Variants in SHTN1 observed in about 807,000 individuals in gnomAD.
SHTN1 encodes the protein shootin-1.
A neutral mutation model predicts 83.1 loss-of-function variants in SHTN1; 42 were observed. That is an observed-to-expected ratio of 0.51 (90% CI 0.39 to 0.65). The LOEUF (loss-of-function observed/expected upper bound fraction) is 0.65. Ranked by LOEUF, SHTN1 falls within the 30% of genes least tolerant of loss-of-function variation. The pLI is 0.00. For synonymous variants in SHTN1, 224 were observed against 247.7 expected (o/e 0.90, Z 0.90); for missense variants, 622 against 737.8 (o/e 0.84, Z 1.82).
At chr10:116,949,138 C>CT in intron 6 of SHTN1, 141 bp from the exon 7 acceptor site, 1 of 890,116 alleles carries the variant, frequency 1.1e-6, no homozygotes, top group Non-Finnish European at 1.6e-6. Flanking sequence ...TGTGTTAGGA[C>CT]TTTTTATTAA....
intron 1 of SHTN1, among the ~76,000 whole-genome samples, chr10:117,090,752 CAGAAGGAAGGAAGGAA>C (rs767619346): frequency 0.072 from 7,943 of 110,546 alleles, 366 homozygotes; most frequent in Admixed American, 0.1. Flanking sequence ...TTTGTGAAAA[CAGAAGGAAGGAAGGAA>C]GGAAGGAAGG....
At position 116,954,213 on chromosome 10, in the gene SHTN1, A is replaced by G; in HGVS notation, c.268-3T>C. ...AACGTTTTATTTTCTTTATTTAGCT[A>G]AGACAAAATATAAAAACAGTTATTT... On this transcript the variant is annotated splice_region_variant and splice_polypyrimidine_tract_variant and intron_variant, in intron 4 of 16. Transcript: ENST00000355371. 6.3e-7 allele frequency: 1 copy of G among 1,582,604 alleles called. No homozygotes were observed. Among genetic ancestry groups the G allele is most frequent in the East Asian group, 2.2e-5 (1 of 44,552 alleles).
At chr10:116,990,287 C>CTTTTTTTTTTTTTTTTTTT (rs11399364) in intron 1 of SHTN1, among the ~76,000 whole-genome samples, 21 of 119,874 alleles carry the variant, frequency 1.8e-4, no homozygotes, top group East Asian at 4.8e-4. Flanking sequence ...TTTTTTCTTT[C>CTTTTTTTTTTTTTTTTTTT]TTTTTTTTTT....
At chr10:116,898,029 A>T (rs1013030635) in intron 16 of SHTN1, among the ~76,000 whole-genome samples, 1 of 152,142 alleles carries the variant, frequency 6.6e-6, no homozygotes, top group Non-Finnish European at 1.5e-5. Flanking sequence ...AGTTTCTTTT[A>T]AAAAGTCTAT....
intron 1 of SHTN1, among the ~76,000 whole-genome samples, chr10:117,102,963 G>A (rs1207053177): frequency 1.3e-5 from 2 of 152,188 alleles, no homozygotes; most frequent in Non-Finnish European, 2.9e-5. Context: ...ACCAGGTGAA[G>A]CTTCACGCCA....
chr10:116,881,605 T>C lies in SHTN1; in HGVS notation c.*4739A>G, dbSNP rs112447423. On this transcript the variant is annotated 3_prime_UTR_variant, in exon 17 of 17. Coordinates refer to ENST00000355371, the MANE Select transcript of SHTN1 (RefSeq NM_001127211.3). ...GAGGCTGCTGCGGCTAGGGAGCCGC[T>C]GGTGCCCACCTTCCCCACACAAGGT... is the stretch of plus-strand genomic sequence containing the variant. The C allele has an allele frequency of 3.3e-3, 5,149 of 1,550,476 alleles. 18 individuals are homozygous for C. Among genetic ancestry groups the C allele is most frequent in the South Asian group, 4.2e-3 (354 of 84,026 alleles).
chr10:117,088,785 T>C (rs897592021), intron 1 of SHTN1, among the ~76,000 whole-genome samples: 2 of 152,214 alleles, frequency 1.3e-5, no homozygotes, highest in African/African-American at 4.8e-5. Context: ...AAATTCACTC[T>C]GGTACTAACT....
At chr10:116,924,961 T>C (rs1848691967) in intron 11 of SHTN1, among the ~76,000 whole-genome samples, 1 of 152,010 alleles carries the variant, frequency 6.6e-6, no homozygotes. Context: ...TTTCACCATG[T>C]TAGCCAGGAT....
intron 16 of SHTN1, among the ~76,000 whole-genome samples, chr10:116,898,955 G>A (rs1847621468): frequency 6.6e-6 from 1 of 152,014 alleles, no homozygotes; most frequent in Non-Finnish European, 1.5e-5. Flanking sequence ...GTTGATTTTA[G>A]GAATTTATTG....
At chr10:117,003,513 T>C (rs777491217) in intron 1 of SHTN1, among the ~76,000 whole-genome samples, 47 of 151,862 alleles carry the variant, frequency 3.1e-4, no homozygotes, top group Admixed American at 2.0e-3. Flanking sequence ...AACAGTAATG[T>C]TGAAATTTGT....
At chr10:117,108,346 G>A (rs1589935598) in intron 1 of SHTN1, among the ~76,000 whole-genome samples, 1 of 151,974 alleles carries the variant, frequency 6.6e-6, no homozygotes, top group African/African-American at 2.4e-5. Flanking sequence ...AGAAAATGTG[G>A]CACATATACA....
chr10:116,910,870 C>T (rs1314572759), intron 14 of SHTN1, among the ~76,000 whole-genome samples: 1 of 152,218 alleles, frequency 6.6e-6, no homozygotes, highest in East Asian at 1.9e-4. Flanking sequence ...CAGTGCTAAT[C>T]CCACTCACTT....
At position 116,979,242 on chromosome 10, in the gene SHTN1, G is replaced by A. The variant is rs775406568; in HGVS notation, c.111+14C>T. 6.2e-6 allele frequency: 10 copies of A among 1,610,520 alleles called. No homozygotes were observed. In the South Asian group the frequency reaches 1.1e-4, roughly 18 times the overall value. On this transcript the variant is annotated intron_variant, in intron 2 of 16. Coordinates refer to ENST00000355371, the MANE Select transcript of SHTN1 (RefSeq NM_001127211.3). ...CACATGTAAGAAAGGGGAAAAAAAA[G>A]GTAAAGTACAAACCTTCTCCTTTGT...
At chr10:117,097,030 G>GACACACACACACACACACACACATAGAC (rs1853512961) in intron 1 of SHTN1, among the ~76,000 whole-genome samples, 1 of 148,950 alleles carries the variant, frequency 6.7e-6, no homozygotes, top group Admixed American at 6.7e-5. Context: ...CACACACATA[G>GACACACACACACACACACACACATAGAC]ACACACACAC....
intron 1 of SHTN1, among the ~76,000 whole-genome samples, chr10:117,114,033 C>A (rs1377439908): frequency 1.3e-5 from 2 of 151,856 alleles, no homozygotes; most frequent in Non-Finnish European, 2.9e-5. Flanking sequence ...GACGACAGAG[C>A]GAGACTCCGT....
At chr10:117,104,318 C>CA (rs1853643471) in intron 1 of SHTN1, among the ~76,000 whole-genome samples, 1 of 152,178 alleles carries the variant, frequency 6.6e-6, no homozygotes, top group South Asian at 2.1e-4. Context: ...TAAGAATTCT[C>CA]AGTTTGTATT....
At chr10:117,065,878 G>T (rs1404453874) in intron 1 of SHTN1, among the ~76,000 whole-genome samples, 77 of 107,884 alleles carry the variant, frequency 7.1e-4, no homozygotes, top group African/African-American at 2.6e-3. Flanking sequence ...GGGAGGGAGG[G>T]AGGTGGGGAG....
At chr10:116,896,966 C>G (rs753541953) in intron 16 of SHTN1, among the ~76,000 whole-genome samples, 11 of 152,104 alleles carry the variant, frequency 7.2e-5, no homozygotes, top group Non-Finnish European at 1.5e-4. Flanking sequence ...GCCACCACAC[C>G]CAACTAATTT....
intron 3 of SHTN1, among the ~76,000 whole-genome samples, chr10:116,961,610 G>A (rs1702130896): frequency 2.0e-5 from 3 of 152,142 alleles, no homozygotes; most frequent in South Asian, 4.1e-4. Context: ...CATTGACTTC[G>A]AGAAACTCCC....
Sources: gnomAD v4.1 joint callset for allele counts (sites outside exome capture counted in the v4.1 genomes callset) on GRCh38, gnomAD v4.1.1 for gene constraint, MANE v1.5 for transcripts, NCBI Gene and HGNC (gene_info 2026-07-23, HGNC 2026-07-21) for gene names.